ERBB4: variants seen among roughly 807,000 people sequenced by gnomAD.
The protein encoded by ERBB4 is erb-b2 receptor tyrosine kinase 4.
Under a neutral mutation model 158.0 loss-of-function variants are expected in ERBB4, and 42 were observed. That is an observed-to-expected ratio of 0.27 (90% CI 0.21 to 0.34). The LOEUF is 0.34. ERBB4 is among the 10% of genes least tolerant of loss of function. The pLI is 1.00. For missense variants in ERBB4, 1,333 were observed against 1,624.1 expected (o/e 0.82, Z 3.08); for synonymous variants, 583 against 558.7 (o/e 1.04, Z -0.61).
At chr2:212,454,021 A>G (rs1688142859) in intron 1 of ERBB4, among the ~76,000 whole-genome samples, 1 of 151,766 alleles carries the variant, frequency 6.6e-6, no homozygotes, top group African/African-American at 2.4e-5. Flanking sequence ...GCTCACTGCA[A>G]CCTTCACCTC....
intron 3 of ERBB4, among the ~76,000 whole-genome samples, chr2:211,881,875 T>C (rs1165061276): frequency 1.3e-5 from 2 of 152,168 alleles, no homozygotes; most frequent in Non-Finnish European, 1.5e-5. Flanking sequence ...CCTTGGATAT[T>C]ATCCCAGACA....
intron 20 of ERBB4, among the ~76,000 whole-genome samples, chr2:211,531,871 A>G (rs2125663821): frequency 6.6e-6 from 1 of 152,244 alleles, no homozygotes; most frequent in East Asian, 1.9e-4. Context: ...TGTTTATTGC[A>G]GCACTATTCA....
At chr2:212,523,423 G>A (rs1692277937) in intron 1 of ERBB4, among the ~76,000 whole-genome samples, 1 of 151,846 alleles carries the variant, frequency 6.6e-6, no homozygotes, top group Admixed American at 6.6e-5. Flanking sequence ...AAAGTAAAGT[G>A]TATATATTTT....
intron 2 of ERBB4, among the ~76,000 whole-genome samples, chr2:212,048,053 A>T (rs2125388490): frequency 6.6e-6 from 1 of 152,298 alleles, no homozygotes; most frequent in East Asian, 1.9e-4. Flanking sequence ...CTATAAGCTG[A>T]CAAGAAAAAC....
chr2:212,013,116 G>C (rs2076430760), intron 2 of ERBB4, among the ~76,000 whole-genome samples: 1 of 151,360 alleles, frequency 6.6e-6, no homozygotes, highest in Admixed American at 6.6e-5. Flanking sequence ...GATTGCAGTG[G>C]CATGATCTCA....
intron 1 of ERBB4, among the ~76,000 whole-genome samples, chr2:212,503,210 TTTG>T (rs1447624026): frequency 3.9e-5 from 6 of 152,206 alleles, no homozygotes. Flanking sequence ...ACACAGGGTT[TTTG>T]TTGTTGTTTT....
chr2:212,268,426 G>A (rs779712476), intron 1 of ERBB4, among the ~76,000 whole-genome samples: 5 of 151,530 alleles, frequency 3.3e-5, no homozygotes, highest in Non-Finnish European at 7.4e-5. Flanking sequence ...ACATGCTTTG[G>A]GACACATGAC....
chr2:211,839,165 AGG>A (rs2077411733), intron 3 of ERBB4, among the ~76,000 whole-genome samples: 1 of 72,412 alleles, frequency 1.4e-5, no homozygotes, highest in Non-Finnish European at 3.1e-5. Flanking sequence ...GAGGAGGAGG[AGG>A]AGGAGGAGGA....
At chr2:211,791,044 A>G (rs1450323700) in intron 3 of ERBB4, among the ~76,000 whole-genome samples, 3 of 151,908 alleles carry the variant, frequency 2.0e-5, no homozygotes, top group Non-Finnish European at 4.4e-5. Flanking sequence ...AATTTGACAT[A>G]TTTTTGTGAG....
Position 212,124,754 on chromosome 2 carries a change from G to A in ERBB4, c.232C>T (p.Arg78Trp), listed in dbSNP as rs1277144029. ...IEHNRDLSFL[R>W]SVREVTGYVL... ...GAGAAAGAAAGCCACAGCTTTACCC[G>A]CAGGAAGGAGAGGTCCCGGTTGTGC... The change falls in exon 2 of 28, where the codon CGG (arginine) becomes TGG (tryptophan). Residue 78 changes from arginine (R) to tryptophan (W), a missense_variant and splice_region_variant. By Grantham distance (101) the Arg-to-Trp change is moderately radical. Transcript: ENST00000342788. The A allele has an allele frequency of 6.2e-7, 1 of 1,614,050 alleles. No homozygotes were observed. Among genetic ancestry groups the A allele is most frequent in the Non-Finnish European group, 8.5e-7 (1 of 1,179,954 alleles).
chr2:212,044,788 T>G (rs1384629431), intron 2 of ERBB4, among the ~76,000 whole-genome samples: 1 of 152,190 alleles, frequency 6.6e-6, no homozygotes, highest in Non-Finnish European at 1.5e-5. Context: ...CCCAAAGTCC[T>G]AATCATAGAA....
intron 3 of ERBB4, among the ~76,000 whole-genome samples, chr2:211,822,557 G>A (rs1424558615): frequency 6.6e-6 from 1 of 151,990 alleles, no homozygotes; most frequent in African/African-American, 2.4e-5. Flanking sequence ...CTTCAGGGAA[G>A]CTATCCTGAT....
chr2:212,081,900 A>T (rs959831542), intron 2 of ERBB4, among the ~76,000 whole-genome samples: 4 of 152,140 alleles, frequency 2.6e-5, no homozygotes, highest in African/African-American at 9.6e-5. Flanking sequence ...CACTTCACCT[A>T]GCAAACTTCA....
At chr2:211,967,126 A>T (rs1264397817) in intron 2 of ERBB4, among the ~76,000 whole-genome samples, 1 of 152,130 alleles carries the variant, frequency 6.6e-6, no homozygotes, top group East Asian at 1.9e-4. Flanking sequence ...TGAATTCTAC[A>T]CAGAAACAAT....
intron 4 of ERBB4, among the ~76,000 whole-genome samples, chr2:211,772,590 C>T (rs1378528887): frequency 6.6e-6 from 1 of 151,026 alleles, no homozygotes; most frequent in African/African-American, 2.4e-5. Flanking sequence ...AATTTTGGGC[C>T]TCTCTCTCTC....
chr2:211,964,917 T>C (rs2081271232), intron 2 of ERBB4, among the ~76,000 whole-genome samples: 1 of 152,178 alleles, frequency 6.6e-6, no homozygotes, highest in East Asian at 1.9e-4. Context: ...TAGGTGGCAC[T>C]GTGCTCACTG....
intron 1 of ERBB4, among the ~76,000 whole-genome samples, chr2:212,254,663 AAGACAGCATGCC>A (rs1414033691): frequency 1.3e-5 from 2 of 152,170 alleles, no homozygotes; most frequent in Non-Finnish European, 2.9e-5. Context: ...CATAGGAAAA[AAGACAGCATGCC>A]ACTGATGGGA....
intron 20 of ERBB4, among the ~76,000 whole-genome samples, chr2:211,538,453 C>T (rs2066712676): frequency 6.6e-6 from 1 of 151,706 alleles, no homozygotes; most frequent in African/African-American, 2.4e-5. Flanking sequence ...CAGCTTACAA[C>T]CCTTCAATAT....
chr2:212,116,086 A>G (rs2079563546), intron 2 of ERBB4, among the ~76,000 whole-genome samples: 1 of 151,978 alleles, frequency 6.6e-6, no homozygotes, highest in Non-Finnish European at 1.5e-5. Flanking sequence ...AGTAGGTTAT[A>G]CTTAACTAGA....
Sources: gnomAD v4.1 joint callset for allele counts (sites outside exome capture counted in the v4.1 genomes callset) on GRCh38, gnomAD v4.1.1 for gene constraint, MANE v1.5 for transcripts, NCBI Gene and HGNC (gene_info 2026-07-23, HGNC 2026-07-21) for gene names.